Variants in SRD5A2 observed in about 807,000 individuals in gnomAD.
SRD5A2 encodes steroid 5 alpha-reductase 2, also known as 3-oxo-5-alpha-steroid 4-dehydrogenase 2.
Under a neutral mutation model 27.4 loss-of-function variants are expected in SRD5A2, and 30 were observed. The observed-to-expected ratio is 1.10, with a 90% confidence interval of 0.82 to 1.49. The LOEUF is 1.49. SRD5A2 is among the 40% of genes most tolerant of loss of function. The pLI is 0.00. For missense variants in SRD5A2, 348 were observed against 323.4 expected, an observed-to-expected ratio of 1.08 and a Z score of -0.58; for synonymous variants, 141 against 133.6, an observed-to-expected ratio of 1.06 and a Z score of -0.38.
chr2:31,597,094 T>A, the SRD5A2 span, among the ~76,000 whole-genome samples: 1 of 151,888 alleles, frequency 6.6e-6, no homozygotes, highest in Admixed American at 6.6e-5. Flanking sequence ...CTTCAAACTA[T>A]ACTACAGTCA....
At chr2:31,543,215 G>A (rs1666174897) in intron 1 of SRD5A2, among the ~76,000 whole-genome samples, 1 of 152,182 alleles carries the variant, frequency 6.6e-6, no homozygotes, top group Non-Finnish European at 1.5e-5. Context: ...AAACTTGAAA[G>A]TGAGGAGAAA....
At chr2:31,589,544 T>C in the SRD5A2 span, among the ~76,000 whole-genome samples, 6 of 152,166 alleles carry the variant, frequency 3.9e-5, no homozygotes, top group African/African-American at 1.4e-4. Context: ...AAGACTCTCA[T>C]CTGCCTCTCT....
intron 1 of SRD5A2, among the ~76,000 whole-genome samples, chr2:31,560,307 G>A (rs1467190698): frequency 6.6e-6 from 1 of 152,078 alleles, no homozygotes; most frequent in African/African-American, 2.4e-5. Flanking sequence ...GTGGGGATGG[G>A]GAGAGAGTTC....
the SRD5A2 span, among the ~76,000 whole-genome samples, chr2:31,662,850 A>T: frequency 2.0e-5 from 3 of 152,112 alleles, no homozygotes; most frequent in African/African-American, 7.2e-5. Context: ...AGTTTCTTGC[A>T]GTCTTACCTT....
the SRD5A2 span, among the ~76,000 whole-genome samples, chr2:31,662,190 T>C: frequency 1.1e-4 from 16 of 152,188 alleles, no homozygotes; most frequent in Non-Finnish European, 4.4e-5. Flanking sequence ...CCTGTTTCTT[T>C]AACATCTAAT....
In SRD5A2 at chr2:31,525,170, G is replaced by T. The variant is rs1472728141; in HGVS notation, c.*1026C>A. ...AGGGAGGCATTCAGGCTGCCCCTAG[G>T]AGACACCTTCTTGAACAGGTCCTGA... On this transcript the variant is annotated 3_prime_UTR_variant, in exon 5 of 5. Transcript: ENST00000622030. 1 of 222,830 alleles carries T rather than the reference G, an allele frequency of 4.5e-6. No homozygotes were observed. The highest frequency in any genetic ancestry group is 6.5e-5 in the East Asian group (1 of 15,488). The allele number at this position is 222,830 out of a possible 1,614,324, so 13.8% of individuals were successfully genotyped here.
At chr2:31,623,167 G>A in the SRD5A2 span, among the ~76,000 whole-genome samples, 3 of 151,982 alleles carry the variant, frequency 2.0e-5, no homozygotes, top group African/African-American at 7.2e-5. Context: ...AGTCATTCCT[G>A]GGCCGAAGGT....
At chr2:31,621,862 C>G in the SRD5A2 span, among the ~76,000 whole-genome samples, 1 of 152,054 alleles carries the variant, frequency 6.6e-6, no homozygotes, top group Non-Finnish European at 1.5e-5. Flanking sequence ...AAGCTGGTCT[C>G]AAACTCATGG....
chr2:31,556,421 G>A (rs1051809970), intron 1 of SRD5A2, among the ~76,000 whole-genome samples: 3 of 152,126 alleles, frequency 2.0e-5, no homozygotes, highest in African/African-American at 7.2e-5. Context: ...AAAAAAAAGT[G>A]AATATTATCT....
chr2:31,650,365 G>A, the SRD5A2 span, among the ~76,000 whole-genome samples: 3 of 152,122 alleles, frequency 2.0e-5, no homozygotes, highest in Non-Finnish European at 2.9e-5. Flanking sequence ...CAGGGATCCT[G>A]GGATGGGTCA....
upstream of SRD5A2, among the ~76,000 whole-genome samples, chr2:31,585,802 T>C (rs1326550260): frequency 6.6e-6 from 1 of 152,040 alleles, no homozygotes; most frequent in East Asian, 1.9e-4. Context: ...TTCTAGACCT[T>C]TCCTGGGCCA....
At chr2:31,592,099 C>G in the SRD5A2 span, among the ~76,000 whole-genome samples, 2 of 146,218 alleles carry the variant, frequency 1.4e-5, no homozygotes, top group East Asian at 4.0e-4. Flanking sequence ...TAAAAAAAAA[C>G]AAAAATAAAA....
chr2:31,656,532 G>A, the SRD5A2 span, among the ~76,000 whole-genome samples: 1 of 152,152 alleles, frequency 6.6e-6, no homozygotes, highest in African/African-American at 2.4e-5. Context: ...CCTCATAAAT[G>A]GATTAGTGCC....
At chr2:31,591,061 A>G in the SRD5A2 span, among the ~76,000 whole-genome samples, 1 of 152,208 alleles carries the variant, frequency 6.6e-6, no homozygotes, top group Admixed American at 6.5e-5. Flanking sequence ...AAAAGCAATG[A>G]CAACAAAAGT....
At chr2:31,533,891 C>T in intron 1 of SRD5A2, 125 bp from the exon 2 acceptor site, 1 of 1,060,388 alleles carries the variant, frequency 9.4e-7, no homozygotes, top group East Asian at 2.6e-5. Context: ...CGCCTTAACC[C>T]AATACAAATT....
At position 31,538,455 on chromosome 2, in the gene SRD5A2, C is replaced by T. The variant is rs556012394; in HGVS notation, c.282-4689G>A. Among the ~76,000 whole-genome samples the T allele has an allele frequency of 3.9e-5, 6 of 152,284 alleles. No individual in the cohort carries two copies. In the East Asian group the frequency reaches 7.7e-4, roughly 20 times the overall value. On this transcript the variant is annotated intron_variant, in intron 1 of 4. Transcript: ENST00000622030. Reference sequence around the variant, plus strand: ...GTTTAATCTCTCATTAAACCTCTCCCGGGTATTTGTAAAAGCCTCCTCATT... The same window carrying T: ...GTTTAATCTCTCATTAAACCTCTCCTGGGTATTTGTAAAAGCCTCCTCATT...
intron 1 of SRD5A2, among the ~76,000 whole-genome samples, chr2:31,549,536 T>G (rs1250760360): frequency 6.6e-6 from 1 of 152,106 alleles, no homozygotes; most frequent in East Asian, 1.9e-4. Context: ...TTATGTGTAT[T>G]TTGCCACAAT....
chr2:31,662,438 C>A, the SRD5A2 span, among the ~76,000 whole-genome samples: 3 of 152,106 alleles, frequency 2.0e-5, no homozygotes, highest in African/African-American at 7.2e-5. Context: ...CCCACCTCAG[C>A]TTCCTGACTA....
Position 31,570,800 on chromosome 2 carries a change from C to T in SRD5A2, c.281+9820G>A, listed in dbSNP as rs7590260. Among the ~76,000 whole-genome samples the T allele has an allele frequency of 8.6e-3, 1,307 of 152,148 alleles. 7 individuals are homozygous for T. The highest frequency in any genetic ancestry group is 0.029 in the African/African-American group (1,215 of 41,514). ...GATTGCAGCAAAGAGAATAAAATACCTAGGAATACAACTAACCAGAGAGGT... is the reference window on the plus strand; with the variant it reads ...GATTGCAGCAAAGAGAATAAAATACTTAGGAATACAACTAACCAGAGAGGT... On this transcript the variant is annotated intron_variant, in intron 1 of 4. Coordinates refer to ENST00000622030, the MANE Select transcript of SRD5A2 (RefSeq NM_000348.4).
Sources: gnomAD v4.1 joint callset for allele counts (sites outside exome capture counted in the v4.1 genomes callset) on GRCh38, gnomAD v4.1.1 for gene constraint, MANE v1.5 for transcripts, NCBI Gene and HGNC (gene_info 2026-07-23, HGNC 2026-07-21) for gene names.